Variants in ARFGAP1 observed in about 807,000 individuals in gnomAD.
ARFGAP1 encodes the protein ADP-ribosylation factor GTPase-activating protein 1.
ARFGAP1 carries 26 observed loss-of-function variants against 54.0 expected under a neutral mutation model. That is an observed-to-expected ratio of 0.48 (90% CI 0.35 to 0.67). The LOEUF (loss-of-function observed/expected upper bound fraction) is 0.67, where lower values mean the gene tolerates loss of function less well. Ranked by LOEUF, ARFGAP1 falls within the 30% of genes least tolerant of loss-of-function variation. The probability of loss-of-function intolerance (pLI) is 0.00; values close to 1 mark genes in which losing one functional copy is unlikely to be tolerated. For missense variants in ARFGAP1, 525 were observed against 535.8 expected, an observed-to-expected ratio of 0.98 and a Z score of 0.20; for synonymous variants, 248 against 211.9, an observed-to-expected ratio of 1.17 and a Z score of -1.48.
At chr20:63,274,453 C>T (rs960918842) in intron 1 of ARFGAP1, among the ~76,000 whole-genome samples, 5 of 151,994 alleles carry the variant, frequency 3.3e-5, no homozygotes, top group African/African-American at 4.8e-5. Context: ...CTACACAGTC[C>T]TCTTAAACAC....
intron 10 of ARFGAP1, 80 bp from the exon 11 acceptor site, chr20:63,285,574 C>G: frequency 6.8e-7 from 1 of 1,479,888 alleles, no homozygotes; most frequent in Non-Finnish European, 9.4e-7. Context: ...ATGCCCTCAC[C>G]CGGGGGATTC....
chr20:63,284,968 G>T (rs756423631), intron 10 of ARFGAP1, 46 bp downstream of exon 10: 4 of 1,606,244 alleles, frequency 2.5e-6, no homozygotes, highest in Admixed American at 1.7e-5. Context: ...CTTCACTCCA[G>T]GGGACGTGGG....
At position 63,276,845 on chromosome 20, in the gene ARFGAP1, G is replaced by A. The variant is rs540740103; in HGVS notation, c.342+194G>A. 2,635 of 605,020 alleles carry A rather than the reference G, an allele frequency of 4.4e-3. 10 individuals carry two copies. Among genetic ancestry groups the A allele is most frequent in the Non-Finnish European group, 6.2e-3 (2,208 of 357,078 alleles). 37.5% of individuals were successfully genotyped at this position (605,020 alleles called of 1,614,324 possible). A position where few individuals can be genotyped will look rare whatever the true frequency, so the allele number is the denominator to read the frequency against. On this transcript the variant is annotated intron_variant, in intron 4 of 12. Coordinates refer to ENST00000370283, the MANE Select transcript of ARFGAP1 (RefSeq NM_018209.4). The surrounding 1 kb of genome is among the most constrained non-coding windows in gnomAD (Gnocchi z 5.2). ...AGGGGAGGCAAATGGCTTGCGGGGG[G>A]AGACAGACCTTCCCCGCCTCCAGGG...
At chr20:63,284,606 G>A in intron 9 of ARFGAP1, 1 of 1,337,350 alleles carries the variant, frequency 7.5e-7, no homozygotes, top group Non-Finnish European at 9.7e-7. Flanking sequence ...CCGCATGGTG[G>A]CGCGTGAGGG....
rs371864690 is a variant in ARFGAP1 at position 63,286,416 on chromosome 20, G to A, written c.885G>A (p.Ser295=). 87 of 1,613,262 alleles carry A rather than the reference G, an allele frequency of 5.4e-5. No homozygotes were observed. The highest frequency in any genetic ancestry group is 2.2e-4 in the East Asian group (10 of 44,880). Residue 295 remains serine (S), a synonymous_variant, in exon 12 of 13, where the codon TCG becomes TCA. Coordinates refer to ENST00000370283, the MANE Select transcript of ARFGAP1 (RefSeq NM_018209.4). The part of the protein sequence containing the change: ...KGWRDVTTFF[S]GKAEGPLDSP... ...GGCGGGACGTCACCACCTTTTTTTCGGGGAAAGCAGAGGGCCCCTTGGACA... is the reference window on the plus strand; with the variant it reads ...GGCGGGACGTCACCACCTTTTTTTCAGGGAAAGCAGAGGGCCCCTTGGACA...
chr20:63,279,548 CA>C (rs2067324033), intron 7 of ARFGAP1, among the ~76,000 whole-genome samples: 1 of 152,180 alleles, frequency 6.6e-6, no homozygotes, highest in African/African-American at 2.4e-5. Context: ...TCAAATCTAA[CA>C]ACAGCCATTC....
rs748394051 is a variant in ARFGAP1 at position 63,276,192 on chromosome 20, T to G, written c.162T>G (p.Val54=). The G allele has an allele frequency of 1.2e-6, 2 of 1,613,582 alleles. No homozygotes were observed. Among genetic ancestry groups the G allele is most frequent in the Non-Finnish European group, 1.7e-6 (2 of 1,180,004 alleles). Reference sequence around the variant, plus strand: ...CGGGGAGACACCGCGGGCTTGGGGTTCACCTCAGGTCAGTGTCCTGCCGCT... The same window carrying G: ...CGGGGAGACACCGCGGGCTTGGGGTGCACCTCAGGTCAGTGTCCTGCCGCT... ...ECSGRHRGLG[V]HLSFVRSVTM... The change falls in exon 3 of 13, where the codon GTT becomes GTG. Residue 54 remains valine, a synonymous_variant. Coordinates refer to ENST00000370283, the MANE Select transcript of ARFGAP1 (RefSeq NM_018209.4). The surrounding 1 kb of genome is among the most constrained non-coding windows in gnomAD (Gnocchi z 5.2).
intron 6 of ARFGAP1, 45 bp from the exon 7 acceptor site, chr20:63,278,854 G>A (rs753765586): frequency 6.2e-7 from 1 of 1,600,414 alleles, no homozygotes. Flanking sequence ...GGGAGGAGCA[G>A]GGTTCATGCC....
At chr20:63,286,116 A>G in intron 11 of ARFGAP1, 2 of 1,550,222 alleles carry the variant, frequency 1.3e-6, no homozygotes, top group East Asian at 2.4e-5. Context: ...CTCCCCCCCA[A>G]GCATGTGGTG....
Position 63,286,450 on chromosome 20 carries a change from G to T in ARFGAP1, c.911+8G>T. 1.2e-6 allele frequency: 2 copies of T among 1,612,670 alleles called. No homozygotes were observed. The highest frequency in any genetic ancestry group is 1.7e-6 in the Non-Finnish European group (2 of 1,179,566). ...AGAGGGCCCCTTGGACAGGTATGCT[G>T]TGTCCCCTCCTGGGCCTTGCATCCC... On this transcript the variant is annotated splice_region_variant and intron_variant, in intron 12 of 12. Coordinates refer to ENST00000370283, the MANE Select transcript of ARFGAP1 (RefSeq NM_018209.4).
intron 8 of ARFGAP1, among the ~76,000 whole-genome samples, chr20:63,282,456 T>C (rs562756092): frequency 6.6e-6 from 1 of 152,344 alleles, no homozygotes; most frequent in South Asian, 2.1e-4. Flanking sequence ...CACTGTCCAT[T>C]GAAGATAGCG....
intron 9 of ARFGAP1, 90 bp from the exon 10 acceptor site, chr20:63,284,776 G>T: frequency 1.3e-6 from 2 of 1,568,918 alleles, no homozygotes; most frequent in Non-Finnish European, 8.6e-7. Flanking sequence ...GGTGAAGCTC[G>T]TGCTGCCCTT....
At chr20:63,286,792 C>T (rs926232106) in intron 12 of ARFGAP1, 9 of 264,004 alleles carry the variant, frequency 3.4e-5, no homozygotes, top group South Asian at 5.8e-5. Flanking sequence ...TATGCCCCCA[C>T]GTAGGAGGAG....
intron 10 of ARFGAP1, 127 bp from the exon 11 acceptor site, chr20:63,285,527 C>T (rs1378966661): frequency 2.0e-6 from 2 of 988,102 alleles, no homozygotes; most frequent in African/African-American, 1.6e-5. Flanking sequence ...TTCTGGGGCT[C>T]AGCCTGATGG....
intron 1 of ARFGAP1, among the ~76,000 whole-genome samples, chr20:63,274,536 G>C (rs1194753527): frequency 6.6e-6 from 1 of 152,084 alleles, no homozygotes. Flanking sequence ...GGCTTACAGA[G>C]TTCAGCGTGT....
Position 63,278,858 on chromosome 20 carries a change from T to G in ARFGAP1, c.531-41T>G, listed in dbSNP as rs758553792. ...CCCACGCCCTCGGGAGGAGCAGGGT[T>G]CATGCCAGCATCTTCGGCCTCTTGT... On this transcript the variant is annotated intron_variant, in intron 6 of 12. Transcript: ENST00000370283. The G allele has an allele frequency of 3.7e-6, 6 of 1,604,668 alleles. No homozygotes were observed. The South Asian group carries it at 5.5e-5, about 15-fold the overall frequency.
chr20:63,288,625 G>C lies in ARFGAP1; in HGVS notation c.*752G>C. On this transcript the variant is annotated 3_prime_UTR_variant, in exon 13 of 13. Transcript: ENST00000370283. ...GAGCGCAGGGTGGGCCCTCGGCCCT[G>C]ATGCAGGAGGGTGCGATAGCGGACG... 2.4e-6 allele frequency: 1 copy of C among 420,620 alleles called. No homozygotes were observed. The allele number at this position is 420,620 out of a possible 1,614,324, so 26.1% of individuals were successfully genotyped here.
intron 9 of ARFGAP1, chr20:63,284,020 T>A (rs2067457130): frequency 1.3e-6 from 2 of 1,482,644 alleles, no homozygotes; most frequent in South Asian, 2.6e-5. Flanking sequence ...CTGGCCTCGG[T>A]CCGTGGCTCT....
chr20:63,287,623 T>C lies in ARFGAP1; in HGVS notation c.971T>C (p.Ile324Thr), dbSNP rs1370757343. Residue 324 changes from isoleucine to threonine, a missense_variant, in exon 13 of 13, where the codon ATA becomes ACA. Ile to Thr is a moderately conservative substitution (Grantham distance 89). Transcript: ENST00000370283. ...CTGGACCACTTCCAAAACAGCAACA[T>C]AGACCAGAGCTTCTGGGAGACCTTT... ...SGLDHFQNSN[I>T]DQSFWETFGS... is the part of the protein sequence containing the mutation. 6.2e-7 allele frequency: 1 copy of C among 1,611,632 alleles called. No individual in the cohort carries two copies. Among genetic ancestry groups the C allele is most frequent in the Non-Finnish European group, 8.5e-7 (1 of 1,179,514 alleles).
Sources: allele counts gnomAD v4.1 joint callset (sites outside exome capture counted in the v4.1 genomes callset), GRCh38; gene constraint gnomAD v4.1.1; non-coding constraint Gnocchi (gnomAD v3.1); transcripts MANE v1.5; gene names NCBI Gene and HGNC (gene_info 2026-07-23, HGNC 2026-07-21).